MAF: variants seen among roughly 807,000 people sequenced by gnomAD.
The protein encoded by MAF is transcription factor Maf.
A neutral mutation model predicts 22.0 loss-of-function variants in MAF; 10 were observed. That is an observed-to-expected ratio of 0.45 (90% CI 0.28 to 0.77). MAF has a LOEUF of 0.77. MAF is among the 30% of genes least tolerant of loss of function. MAF has a pLI of 0.12. For missense variants in MAF, 544 were observed against 548.4 expected, an observed-to-expected ratio of 0.99 and a Z score of 0.08; for synonymous variants, 337 against 255.8, an observed-to-expected ratio of 1.32 and a Z score of -3.03.
At chr16:79,245,199 A>C in the MAF span, among the ~76,000 whole-genome samples, 1 of 152,076 alleles carries the variant, frequency 6.6e-6, no homozygotes, top group African/African-American at 2.4e-5. Context: ...ATGGCAACAA[A>C]AGCCAAAATT....
At chr16:79,400,422 G>A in the MAF span, among the ~76,000 whole-genome samples, 1 of 152,218 alleles carries the variant, frequency 6.6e-6, no homozygotes, top group African/African-American at 2.4e-5. Flanking sequence ...ACCCCACAAG[G>A]TCTTAGGAAG....
At chr16:79,408,777 C>G in the MAF span, among the ~76,000 whole-genome samples, 1 of 151,736 alleles carries the variant, frequency 6.6e-6, no homozygotes, top group African/African-American at 2.4e-5. Flanking sequence ...AGAAACTAAA[C>G]TAGATACTAA....
At chr16:79,211,604 C>G in the MAF span, 1 of 1,614,170 alleles carries the variant, frequency 6.2e-7, no homozygotes, top group South Asian at 1.1e-5. Flanking sequence ...TCTTGGATTT[C>G]CAGCAACAGG....
the MAF span, among the ~76,000 whole-genome samples, chr16:79,323,487 G>A: frequency 6.6e-6 from 1 of 152,162 alleles, no homozygotes; most frequent in African/African-American, 2.4e-5. Context: ...TTAAAAGAAG[G>A]GAAAGGAATA....
chr16:79,243,694 G>T, the MAF span, among the ~76,000 whole-genome samples: 3 of 151,904 alleles, frequency 2.0e-5, no homozygotes, highest in Non-Finnish European at 4.4e-5. Context: ...GAAAAACAGG[G>T]AATCCTCCCT....
chr16:79,515,757 G>T, the MAF span, among the ~76,000 whole-genome samples: 1 of 152,208 alleles, frequency 6.6e-6, no homozygotes, highest in South Asian at 2.1e-4. Context: ...AGAGATGTGA[G>T]TGGCAGTCAC....
At chr16:79,372,505 C>T in the MAF span, among the ~76,000 whole-genome samples, 1 of 152,126 alleles carries the variant, frequency 6.6e-6, no homozygotes, top group Non-Finnish European at 1.5e-5. Context: ...AGTTTTCTTG[C>T]AACTGCTGCC....
chr16:79,311,583 G>C, the MAF span, among the ~76,000 whole-genome samples: 1 of 152,014 alleles, frequency 6.6e-6, no homozygotes, highest in Admixed American at 6.6e-5. Flanking sequence ...GAGTATGAGG[G>C]GTGCTCAGCT....
chr16:79,430,990 C>A, the MAF span, among the ~76,000 whole-genome samples: 1 of 152,168 alleles, frequency 6.6e-6, no homozygotes, highest in South Asian at 2.1e-4. Context: ...TTTCTACTAG[C>A]TCTGGACAAC....
At chr16:79,319,734 T>A in the MAF span, among the ~76,000 whole-genome samples, 1 of 152,266 alleles carries the variant, frequency 6.6e-6, no homozygotes, top group Non-Finnish European at 1.5e-5. Context: ...AAGGACCATT[T>A]GTGGGCATAG....
the MAF span, among the ~76,000 whole-genome samples, chr16:79,374,456 C>A: frequency 2.6e-5 from 4 of 152,302 alleles, no homozygotes; most frequent in Middle Eastern, 3.4e-3. Context: ...TCCTGAATTG[C>A]GGCAATTGCT....
the MAF span, among the ~76,000 whole-genome samples, chr16:79,427,249 C>A: frequency 3.3e-5 from 5 of 152,202 alleles, no homozygotes; most frequent in African/African-American, 1.2e-4. Flanking sequence ...AGAGGCAAGT[C>A]AGAGCCCATG....
At chr16:79,358,067 A>T in the MAF span, among the ~76,000 whole-genome samples, 1 of 152,234 alleles carries the variant, frequency 6.6e-6, no homozygotes, top group African/African-American at 2.4e-5. Context: ...ATATGGAAAG[A>T]ACTCAAAGCA....
the MAF span, among the ~76,000 whole-genome samples, chr16:79,475,824 A>C: frequency 6.6e-6 from 1 of 152,240 alleles, no homozygotes; most frequent in East Asian, 1.9e-4. Context: ...GGTTTGTTAC[A>C]CTTGTTGCAG....
At chr16:79,357,344 G>A in the MAF span, among the ~76,000 whole-genome samples, 4 of 152,300 alleles carry the variant, frequency 2.6e-5, no homozygotes, top group Middle Eastern at 3.4e-3. Context: ...CAGCTACTCG[G>A]GAGGCTGAGG....
Position 79,594,024 on chromosome 16 carries a change from T to G in MAF, c.*436A>C, listed in dbSNP as rs919951151. The G allele has an allele frequency of 8.7e-6, 2 of 230,458 alleles. No homozygotes were observed. The highest frequency in any genetic ancestry group is 1.7e-5 in the Non-Finnish European group (2 of 115,422). The allele number at this position is 230,458 out of a possible 1,614,324, so 14.3% of individuals were successfully genotyped here. Reference sequence around the variant, plus strand: ...TAGGGAAGGGGAGTCGAATATCTATTTTTCTTCTTAGTAAAATTATCTGCC... The same window carrying G: ...TAGGGAAGGGGAGTCGAATATCTATGTTTCTTCTTAGTAAAATTATCTGCC... On this transcript the variant is annotated 3_prime_UTR_variant, in exon 2 of 2. Coordinates refer to ENST00000326043, the MANE Select transcript of MAF (RefSeq NM_005360.5).
At chr16:79,256,540 C>A in the MAF span, among the ~76,000 whole-genome samples, 1 of 152,144 alleles carries the variant, frequency 6.6e-6, no homozygotes, top group African/African-American at 2.4e-5. Context: ...TGACCACAGA[C>A]AAGGACACAC....
At chr16:79,558,148 G>A in the MAF span, among the ~76,000 whole-genome samples, 17,154 of 150,842 alleles carry the variant, frequency 0.11, 1,287 homozygotes, top group East Asian at 0.27. Context: ...TGGGTCTTGG[G>A]TTTTTCCTGC....
the MAF span, among the ~76,000 whole-genome samples, chr16:79,349,994 G>T: frequency 2.6e-5 from 4 of 152,086 alleles, no homozygotes; most frequent in African/African-American, 4.8e-5. Context: ...CTCCTTTAAG[G>T]CACAATGAAA....
Sources: gnomAD v4.1 joint callset for allele counts (sites outside exome capture counted in the v4.1 genomes callset) on GRCh38, gnomAD v4.1.1 for gene constraint, MANE v1.5 for transcripts, NCBI Gene and HGNC (gene_info 2026-07-23, HGNC 2026-07-21) for gene names.